DCC: variants seen among roughly 807,000 people sequenced by gnomAD.
The protein encoded by DCC is netrin receptor DCC.
DCC carries 58 observed loss-of-function variants against 172.5 expected under a neutral mutation model. That is an observed-to-expected ratio of 0.34 (90% confidence interval 0.27 to 0.42). The LOEUF is 0.42. Among genes scored for constraint, DCC ranks in the 10% least tolerant of loss-of-function variants. The pLI is 1.00. For missense variants in DCC, 1,740 were observed against 1,791.0 expected (o/e 0.97, Z 0.51); for synonymous variants, 709 against 644.5 (o/e 1.10, Z -1.52).
At chr18:52,508,695 T>C (rs2031323359) in intron 1 of DCC, among the ~76,000 whole-genome samples, 1 of 152,224 alleles carries the variant, frequency 6.6e-6, no homozygotes, top group Admixed American at 6.5e-5. Flanking sequence ...AAAAGTTACT[T>C]AATCCCAGAA....
At chr18:52,420,053 T>C (rs1987194456) in intron 1 of DCC, among the ~76,000 whole-genome samples, 1 of 152,184 alleles carries the variant, frequency 6.6e-6, no homozygotes, top group East Asian at 1.9e-4. Flanking sequence ...CCATTGTGTG[T>C]TTCAACCTCT....
intron 5 of DCC, among the ~76,000 whole-genome samples, chr18:52,960,929 C>T (rs901240109): frequency 3.3e-5 from 5 of 152,118 alleles, no homozygotes; most frequent in East Asian, 1.9e-4. Context: ...GTAGGTCACA[C>T]GCTGAATTTT....
At chr18:52,383,031 C>G (rs1985651221) in intron 1 of DCC, among the ~76,000 whole-genome samples, 1 of 152,042 alleles carries the variant, frequency 6.6e-6, no homozygotes, top group South Asian at 2.1e-4. Flanking sequence ...TTAATCATTT[C>G]TCTAGTTTTG....
chr18:52,740,165 G>A (rs2036796835), intron 1 of DCC, among the ~76,000 whole-genome samples: 2 of 152,100 alleles, frequency 1.3e-5, no homozygotes, highest in African/African-American at 4.8e-5. Context: ...TTACAGTTCT[G>A]ACCTTCTAGA....
At chr18:53,344,026 A>G (rs1268250613) in intron 15 of DCC, among the ~76,000 whole-genome samples, 1 of 151,418 alleles carries the variant, frequency 6.6e-6, no homozygotes, top group Non-Finnish European at 1.5e-5. Flanking sequence ...TTTTTTTGTG[A>G]TATCTAGACA....
intron 5 of DCC, among the ~76,000 whole-genome samples, chr18:52,968,256 C>T (rs1258222985): frequency 1.3e-5 from 2 of 152,044 alleles, no homozygotes; most frequent in African/African-American, 4.8e-5. Context: ...GAGTTAATAA[C>T]TCTGAGGAGG....
intron 12 of DCC, among the ~76,000 whole-genome samples, chr18:53,271,615 G>C (rs1406201790): frequency 2.6e-5 from 4 of 152,168 alleles, no homozygotes; most frequent in African/African-American, 9.7e-5. Flanking sequence ...GCAGGTCATA[G>C]CAAGGCATCT....
intron 1 of DCC, among the ~76,000 whole-genome samples, chr18:52,720,299 AG>A (rs1337263017): frequency 7.2e-5 from 11 of 152,132 alleles, no homozygotes; most frequent in Non-Finnish European, 7.4e-5. Flanking sequence ...AAACTAACAA[AG>A]GGGGTTTTAC....
At chr18:52,429,058 C>T (rs536837208) in intron 1 of DCC, among the ~76,000 whole-genome samples, 19 of 152,142 alleles carry the variant, frequency 1.2e-4, no homozygotes, top group African/African-American at 3.9e-4. Context: ...TCTAAACATC[C>T]CCTTGCCTTT....
intron 1 of DCC, among the ~76,000 whole-genome samples, chr18:52,568,415 G>A (rs1409494925): frequency 1.3e-5 from 2 of 151,912 alleles, no homozygotes; most frequent in African/African-American, 4.8e-5. Context: ...ATTGCCATAA[G>A]CAACAACTAA....
At chr18:53,009,011 G>A (rs1451426730) in intron 5 of DCC, among the ~76,000 whole-genome samples, 1 of 151,794 alleles carries the variant, frequency 6.6e-6, no homozygotes, top group Non-Finnish European at 1.5e-5. Context: ...GAACATTTAG[G>A]TTAAGATGAT....
intron 1 of DCC, among the ~76,000 whole-genome samples, chr18:52,485,303 A>G (rs1237727122): frequency 1.3e-5 from 2 of 152,130 alleles, no homozygotes; most frequent in African/African-American, 4.8e-5. Context: ...TTAACTTCTT[A>G]AAAACCATAG....
At chr18:52,673,453 G>T (rs1289920826) in intron 1 of DCC, among the ~76,000 whole-genome samples, 3 of 152,172 alleles carry the variant, frequency 2.0e-5, no homozygotes, top group Admixed American at 6.5e-5. Context: ...TTAGACTGAG[G>T]TTGTGTTTTT....
At chr18:53,126,665 C>A (rs936329370) in intron 7 of DCC, among the ~76,000 whole-genome samples, 1 of 152,184 alleles carries the variant, frequency 6.6e-6, no homozygotes, top group East Asian at 1.9e-4. Flanking sequence ...CAGATTCATA[C>A]GTATCACTGA....
chr18:53,388,902 A>T (rs1036267980), intron 16 of DCC, among the ~76,000 whole-genome samples: 2 of 152,046 alleles, frequency 1.3e-5, no homozygotes, highest in African/African-American at 2.4e-5. Context: ...CTCCCACCTA[A>T]GTCTCCTGGG....
intron 1 of DCC, among the ~76,000 whole-genome samples, chr18:52,348,491 G>GC (rs1983977130): frequency 6.6e-6 from 1 of 152,154 alleles, no homozygotes; most frequent in African/African-American, 2.4e-5. Context: ...TAATTTGCCC[G>GC]CATCTGGTAA....
chr18:52,988,414 T>C (rs941506096), intron 5 of DCC, among the ~76,000 whole-genome samples: 5 of 152,170 alleles, frequency 3.3e-5, no homozygotes, highest in African/African-American at 1.2e-4. Context: ...GGATTGCTCC[T>C]CTGTAGACAT....
intron 5 of DCC, among the ~76,000 whole-genome samples, chr18:52,926,444 T>C (rs1175198159): frequency 6.6e-6 from 1 of 151,856 alleles, no homozygotes; most frequent in East Asian, 1.9e-4. Context: ...TTATACTAAC[T>C]AAAATATTAG....
rs536498110 is a variant in DCC at position 53,525,047 on chromosome 18, C to T, written c.4112-1570C>T. 4.6e-5 allele frequency among the ~76,000 whole-genome samples: 7 copies of T among 152,104 alleles called. No individual in the cohort carries two copies. In the South Asian group the frequency reaches 6.2e-4, roughly 14 times the overall value. ...CCAACTCCCAGGCAACTTTTCACAG[C>T]GTGAATAGTTAGCCCTCTTTGAACA... is the stretch of plus-strand genomic sequence containing the variant. On this transcript the variant is annotated intron_variant, in intron 27 of 28. Transcript: ENST00000442544.
Sources: gnomAD v4.1 joint callset for allele counts (sites outside exome capture counted in the v4.1 genomes callset) on GRCh38, gnomAD v4.1.1 for gene constraint, MANE v1.5 for transcripts, NCBI Gene and HGNC (gene_info 2026-07-23, HGNC 2026-07-21) for gene names.